Variants in ADGRB1 observed in about 807,000 individuals in gnomAD.
ADGRB1 encodes adhesion G protein-coupled receptor B1.
ADGRB1 carries 36 observed loss-of-function variants against 175.7 expected under a neutral mutation model. The ratio of observed to expected loss-of-function variants is 0.20; its 90% CI spans 0.16 to 0.27. The LOEUF is 0.27. Ranked by LOEUF, ADGRB1 falls within the 10% of genes least tolerant of loss-of-function variation. The probability of loss-of-function intolerance (pLI) is 1.00; values close to 1 mark genes in which losing one functional copy is unlikely to be tolerated. For synonymous variants in ADGRB1, 1,054 were observed against 979.4 expected (o/e 1.08, Z -1.42); for missense variants, 1,731 against 2,255.3 (o/e 0.77, Z 4.71).
rs1587378196 is a variant in ADGRB1 at position 142,511,383 on chromosome 8, C to G, written c.2817+310C>G. Among the ~76,000 whole-genome samples, 2 of 152,060 alleles carry G rather than the reference C, an allele frequency of 1.3e-5. No homozygotes were observed. The highest frequency in any genetic ancestry group is 2.9e-5 in the Non-Finnish European group (2 of 67,982). On this transcript the variant is annotated intron_variant, in intron 18 of 30. Coordinates refer to ENST00000517894, the MANE Select transcript of ADGRB1 (RefSeq NM_001702.3). The surrounding 1 kb of genome is among the most constrained non-coding windows in gnomAD (Gnocchi z 4.5). ...CCCGGGATCTCCGAGGGAGCCTGGG[C>G]CTGGGGAGAGGCTGGGTCCTGAGCC...
intron 24 of ADGRB1, among the ~76,000 whole-genome samples, chr8:142,532,866 C>T (rs1380787571): frequency 2.6e-5 from 4 of 152,120 alleles, no homozygotes; most frequent in Non-Finnish European, 4.4e-5. Flanking sequence ...TCCCCTGTCA[C>T]CTCCTAGACT....
At chr8:142,489,136 G>A in intron 15 of ADGRB1, 26 bp downstream of exon 15, 1 of 1,580,702 alleles carries the variant, frequency 6.3e-7, no homozygotes, top group African/African-American at 1.3e-5. Context: ...CAGGTGGGGT[G>A]GGCAGTGCAG....
In ADGRB1 at chr8:142,455,266, C is replaced by T. The variant is rs1488227023; in HGVS notation, c.-220+5162C>T. On this transcript the variant is annotated intron_variant, in intron 1 of 30. Transcript: ENST00000517894. The surrounding 1 kb of genome is among the most constrained non-coding windows in gnomAD (Gnocchi z 4.9). ...ATCACTCCCACTCGCCTCAGCAGCA[C>T]CTGGACACCCCTCACAGCCACCTCC... is the stretch of plus-strand genomic sequence containing the variant. Among the ~76,000 whole-genome samples the T allele has an allele frequency of 6.6e-6, 1 of 152,046 alleles. No homozygotes were observed. Among genetic ancestry groups the T allele is most frequent in the Non-Finnish European group, 1.5e-5 (1 of 68,020 alleles).
intron 11 of ADGRB1, among the ~76,000 whole-genome samples, chr8:142,483,274 A>G (rs1841471243): frequency 7.0e-6 from 1 of 143,544 alleles, no homozygotes; most frequent in Admixed American, 6.9e-5. Flanking sequence ...TCCTGGTCAC[A>G]CTGAGCCCTG....
intron 2 of ADGRB1, among the ~76,000 whole-genome samples, chr8:142,469,250 T>G (rs565919482): frequency 4.0e-5 from 6 of 151,536 alleles, no homozygotes; most frequent in African/African-American, 1.2e-4. Flanking sequence ...CACACATGCA[T>G]GTGTGTGAAT....
chr8:142,511,720 C>T lies in ADGRB1; in HGVS notation c.2817+647C>T, dbSNP rs1843115699. Among the ~76,000 whole-genome samples, 6 of 152,172 alleles carry T rather than the reference C, an allele frequency of 3.9e-5. No individual in the cohort carries two copies. ...GGGGCCCTGGGTGCTGGGCGCAGCT[C>T]CCTGGGGCGGGTGGGCTCTCTTGCT... is the stretch of plus-strand genomic sequence containing the variant. On this transcript the variant is annotated intron_variant, in intron 18 of 30. Transcript: ENST00000517894. This position sits in a 1 kb window ranked among gnomAD's most constrained non-coding sequence, Gnocchi z 4.5.
At chr8:142,496,288 G>C (rs1278178941) in intron 17 of ADGRB1, among the ~76,000 whole-genome samples, 1 of 150,918 alleles carries the variant, frequency 6.6e-6, no homozygotes, top group Non-Finnish European at 1.5e-5. Context: ...GGGTGTGTGG[G>C]TGGCTGGATG....
chr8:142,488,281 A>T (rs1024279639), intron 13 of ADGRB1, 83 bp from the exon 14 acceptor site: 3 of 1,547,742 alleles, frequency 1.9e-6, no homozygotes, highest in South Asian at 1.2e-5. Context: ...CCAGGCCTGC[A>T]CCTCAACTCC....
In ADGRB1 at chr8:142,464,969, G is replaced by A; in HGVS notation, c.771G>A (p.Gly257=). ...CLTSLTQDRG[G]HGATGGWKLW... The stretch of plus-strand genomic sequence containing the variant: ...CCAGCCTGACCCAGGACCGGGGCGG[G>A]CACGGCGCCACAGGTGAGTGACTGG... Residue 257 remains glycine (G), a synonymous_variant, in exon 2 of 31, where the codon GGG becomes GGA. Coordinates refer to ENST00000517894, the MANE Select transcript of ADGRB1 (RefSeq NM_001702.3). 1 of 1,514,000 alleles carries A rather than the reference G, an allele frequency of 6.6e-7. No homozygotes were observed. The highest frequency in any genetic ancestry group is 2.6e-5 in the East Asian group (1 of 38,736). The allele number at this position is 1,514,000 out of a possible 1,614,324, so 93.8% of individuals were successfully genotyped here.
intron 17 of ADGRB1, among the ~76,000 whole-genome samples, chr8:142,500,102 G>A (rs1477170531): frequency 7.9e-5 from 12 of 152,166 alleles, no homozygotes; most frequent in Admixed American, 6.5e-4. Context: ...GGCTTCTCAC[G>A]TTCCTCACAA....
intron 18 of ADGRB1, 89 bp from the exon 19 acceptor site, chr8:142,518,049 G>C (rs1843547403): frequency 7.9e-7 from 1 of 1,264,558 alleles, no homozygotes; most frequent in Non-Finnish European, 1.1e-6. Context: ...GTGACCCGGG[G>C]CTGCGGGCTC....
chr8:142,542,255 C>G lies in ADGRB1; in HGVS notation c.4021C>G (p.Leu1341Val), dbSNP rs757113885. 3.1e-6 allele frequency: 5 copies of G among 1,613,580 alleles called. No homozygotes were observed. The South Asian group carries it at 5.5e-5, about 18-fold the overall frequency. The change falls in exon 28 of 31, where the codon CTG becomes GTG. Residue 1341 changes from leucine (L) to valine (V), a missense_variant. Around this residue, in one of 8 missense-constraint regions of ADGRB1, gnomAD observed 394 missense variants for 410.2 expected, o/e 0.96. Transcript: ENST00000517894. This position sits in a 1 kb window ranked among gnomAD's most constrained non-coding sequence, Gnocchi z 6.3. ...GCTGAGCCGGGCCCAGGAGAAGGCT[C>G]TGGACACGAGCTACGTGATCCTGCC... The part of the protein sequence containing the change: ...SELSRAQEKA[L>V]DTSYVILPTA...
At position 142,542,651 on chromosome 8, in the gene ADGRB1, A is replaced by AG. The variant is rs766635768; in HGVS notation, c.4413+10dup. 23 of 1,540,590 alleles carry AG rather than the reference A, an allele frequency of 1.5e-5. No homozygotes were observed. Among genetic ancestry groups the AG allele is most frequent in the Non-Finnish European group, 1.8e-5 (21 of 1,143,190 alleles). On this transcript the variant is annotated splice_donor_region_variant and intron_variant, in intron 28 of 30. Coordinates refer to ENST00000517894, the MANE Select transcript of ADGRB1 (RefSeq NM_001702.3). The surrounding 1 kb of genome is among the most constrained non-coding windows in gnomAD (Gnocchi z 6.3). ...CTTGTCTGTGAGCTCCCTGGAGGTG[A>AG]GGGGGGCAGGGGTGGGCCACACCCC...
At chr8:142,529,716 ATGTG>A (rs958188596) in intron 24 of ADGRB1, among the ~76,000 whole-genome samples, 4 of 137,880 alleles carry the variant, frequency 2.9e-5, no homozygotes, top group Non-Finnish European at 6.2e-5. Context: ...GCGTGCATCT[ATGTG>A]TGTGAGTGCA....
At chr8:142,466,044 C>G (rs1310328487) in intron 2 of ADGRB1, among the ~76,000 whole-genome samples, 3 of 152,190 alleles carry the variant, frequency 2.0e-5, no homozygotes, top group African/African-American at 7.2e-5. Flanking sequence ...CATGGAGACC[C>G]CTTGCTGACG....
chr8:142,458,533 C>T (rs1301815305), intron 1 of ADGRB1, among the ~76,000 whole-genome samples: 2 of 152,104 alleles, frequency 1.3e-5, no homozygotes, highest in East Asian at 1.9e-4. Flanking sequence ...CCCTCTTCCC[C>T]ACGCTGTGGC....
chr8:142,533,695 G>A (rs548095092), intron 25 of ADGRB1, among the ~76,000 whole-genome samples: 21 of 152,294 alleles, frequency 1.4e-4, no homozygotes, highest in Admixed American at 4.6e-4. Context: ...TCCCAAGGAT[G>A]CCCTGCGCCC....
At position 142,542,480 on chromosome 8, in the gene ADGRB1, C is replaced by A; in HGVS notation, c.4246C>A (p.Pro1416Thr). Residue 1416 changes from proline to threonine, a missense_variant, in exon 28 of 31, where the codon CCC becomes ACC. Transcript: ENST00000517894. This position sits in a 1 kb window ranked among gnomAD's most constrained non-coding sequence, Gnocchi z 6.3. The part of the protein sequence containing the change: ...APPAQPPPPP[P>T]PPPPPPQQPL... ...CCCTGCCCAGCCCCCACCGCCTCCG[C>A]CCCCACCGCCACCACCTCCCCAGCA... The A allele has an allele frequency of 1.5e-6, 2 of 1,301,680 alleles. No homozygotes were observed. The highest frequency in any genetic ancestry group is 2.0e-6 in the Non-Finnish European group (2 of 995,362). 80.6% of individuals were successfully genotyped at this position (1,301,680 alleles called of 1,614,324 possible). A position where few individuals can be genotyped will look rare whatever the true frequency, so the allele number is the denominator to read the frequency against.
At chr8:142,477,324 G>A (rs775536286) in intron 5 of ADGRB1, 46 bp downstream of exon 5, 190 of 1,411,476 alleles carry the variant, frequency 1.3e-4, no homozygotes, top group Middle Eastern at 1.9e-4. Context: ...AGGGCAGCGG[G>A]GGGCCAGGGC....
Sources: allele counts gnomAD v4.1 joint callset (sites outside exome capture counted in the v4.1 genomes callset), GRCh38; gene constraint gnomAD v4.1.1; regional missense constraint gnomAD v4.1.1; non-coding constraint Gnocchi (gnomAD v3.1); transcripts MANE v1.5; gene names NCBI Gene and HGNC (gene_info 2026-07-23, HGNC 2026-07-21).